The following RPS6KC1 variants were observed in gnomAD, a reference collection of about 807,000 sequenced individuals.
The protein encoded by RPS6KC1 is inactive ribosomal protein S6 kinase delta-1.
Under a neutral mutation model 103.8 loss-of-function variants are expected in RPS6KC1, and 54 were observed. The ratio of observed to expected loss-of-function variants is 0.52; its 90% CI spans 0.42 to 0.65. RPS6KC1 has a LOEUF of 0.65. RPS6KC1 is among the 30% of genes least tolerant of loss of function. The pLI is 0.00. For synonymous variants in RPS6KC1, 439 were observed against 438.7 expected (o/e 1.00, Z -0.01); for missense variants, 1,151 against 1,253.8 (o/e 0.92, Z 1.24).
chr1:213,104,413 G>T (rs538453473), intron 3 of RPS6KC1, 41 bp from the exon 4 acceptor site: 1 of 1,302,890 alleles, frequency 7.7e-7, no homozygotes, highest in South Asian at 1.2e-5. Context: ...ACCAGTGTTT[G>T]ATCATTCTTC....
chr1:213,618,319 A>G, the RPS6KC1 span, among the ~76,000 whole-genome samples: 1 of 152,204 alleles, frequency 6.6e-6, no homozygotes, highest in Admixed American at 6.5e-5. Flanking sequence ...ACTGAATGAG[A>G]TCACGTGCAT....
chr1:213,624,555 A>G, the RPS6KC1 span, among the ~76,000 whole-genome samples: 7,414 of 152,198 alleles, frequency 0.049, 218 homozygotes, highest in Middle Eastern at 0.13. Context: ...AGGAGGTGAG[A>G]TTTGAACCAG....
In RPS6KC1 at chr1:213,051,463, C is replaced by T. The variant is rs766899937; in HGVS notation, c.59C>T (p.Pro20Leu). 1.9e-6 allele frequency: 3 copies of T among 1,613,594 alleles called. No homozygotes were observed. The highest frequency in any genetic ancestry group is 2.5e-6 in the Non-Finnish European group (3 of 1,179,838). Residue 20 changes from proline (P) to leucine (L), a missense_variant, in exon 1 of 15, where the codon CCC becomes CTC. Pro to Leu is a moderately conservative substitution (Grantham distance 98). This residue lies in a region of RPS6KC1 where 959 missense variants were observed against 1,006.3 expected (regional missense o/e 0.95). Transcript: ENST00000366960. ...GCCCGTTTCTACACTGTCACCGAGC[C>T]CCAGCGACACCCGAGGGGCTACACA... ...DLARFYTVTE[P>L]QRHPRGYTVY...
At chr1:213,218,490 T>C (rs944641235) in intron 8 of RPS6KC1, among the ~76,000 whole-genome samples, 6 of 152,216 alleles carry the variant, frequency 3.9e-5, no homozygotes, top group East Asian at 1.9e-4. Flanking sequence ...AAGCTACCAA[T>C]GACTTTCTTC....
chr1:213,658,829 A>G, the RPS6KC1 span, among the ~76,000 whole-genome samples: 1 of 152,258 alleles, frequency 6.6e-6, no homozygotes, highest in South Asian at 2.1e-4. Context: ...TGCTCTCTCC[A>G]TTGCTTTTGT....
At chr1:213,457,771 G>C in the RPS6KC1 span, among the ~76,000 whole-genome samples, 1 of 152,128 alleles carries the variant, frequency 6.6e-6, no homozygotes, top group Non-Finnish European at 1.5e-5. Context: ...TAATTGCTGG[G>C]TTCATACATA....
At chr1:213,838,071 T>C in the RPS6KC1 span, among the ~76,000 whole-genome samples, 1 of 152,270 alleles carries the variant, frequency 6.6e-6, no homozygotes, top group South Asian at 2.1e-4. Flanking sequence ...TCGCTCCCAT[T>C]AAAAGAGAAG....
At chr1:213,696,729 G>C in the RPS6KC1 span, among the ~76,000 whole-genome samples, 20 of 152,086 alleles carry the variant, frequency 1.3e-4, no homozygotes, top group Admixed American at 1.2e-3. Flanking sequence ...GAAGGATAGA[G>C]AGGGAAAAAC....
chr1:213,201,585 C>T (rs948903209), intron 8 of RPS6KC1, among the ~76,000 whole-genome samples: 1 of 152,148 alleles, frequency 6.6e-6, no homozygotes, highest in Non-Finnish European at 1.5e-5. Flanking sequence ...ACTGTGTACT[C>T]CAGATGATAA....
chr1:213,495,057 T>C, the RPS6KC1 span, among the ~76,000 whole-genome samples: 5 of 152,212 alleles, frequency 3.3e-5, no homozygotes, highest in Non-Finnish European at 4.4e-5. Context: ...CCCAGCCTTG[T>C]GGTCTTTGAA....
the RPS6KC1 span, among the ~76,000 whole-genome samples, chr1:213,659,611 A>G: frequency 6.6e-6 from 1 of 151,894 alleles, no homozygotes; most frequent in Non-Finnish European, 1.5e-5. Context: ...GACTTCCTTC[A>G]TTAAAGAATT....
the RPS6KC1 span, among the ~76,000 whole-genome samples, chr1:213,494,668 G>A: frequency 6.6e-6 from 1 of 152,104 alleles, no homozygotes; most frequent in Admixed American, 6.5e-5. Flanking sequence ...GTGGATAACA[G>A]GATAACAGAG....
the RPS6KC1 span, among the ~76,000 whole-genome samples, chr1:213,720,682 A>G: frequency 6.6e-6 from 1 of 152,222 alleles, no homozygotes; most frequent in African/African-American, 2.4e-5. Context: ...GCTAAGGGCT[A>G]TTATGCCTTT....
At chr1:213,641,773 T>A in the RPS6KC1 span, among the ~76,000 whole-genome samples, 4 of 151,838 alleles carry the variant, frequency 2.6e-5, no homozygotes, top group Non-Finnish European at 5.9e-5. Context: ...ACAGTGTGTC[T>A]GAGGCAAAGT....
chr1:213,848,534 A>G, the RPS6KC1 span, among the ~76,000 whole-genome samples: 1 of 152,098 alleles, frequency 6.6e-6, no homozygotes, highest in Non-Finnish European at 1.5e-5. Flanking sequence ...TGTATATACT[A>G]TATGTGTATA....
At chr1:213,361,501 T>C in the RPS6KC1 span, among the ~76,000 whole-genome samples, 21 of 152,374 alleles carry the variant, frequency 1.4e-4, no homozygotes, top group Non-Finnish European at 2.4e-4. Context: ...CCCCTTGCAG[T>C]TCCCAGGTGA....
chr1:213,457,060 G>C, the RPS6KC1 span, among the ~76,000 whole-genome samples: 1 of 152,174 alleles, frequency 6.6e-6, no homozygotes. Context: ...AGAATGTTTC[G>C]TTTAAAATAA....
At chr1:213,512,784 C>CCGT in the RPS6KC1 span, among the ~76,000 whole-genome samples, 1 of 152,160 alleles carries the variant, frequency 6.6e-6, no homozygotes, top group African/African-American at 2.4e-5. Context: ...CTGCCAAAGA[C>CCGT]CTGACCATTT....
the RPS6KC1 span, among the ~76,000 whole-genome samples, chr1:213,575,118 A>G: frequency 9.2e-5 from 14 of 152,142 alleles, no homozygotes; most frequent in African/African-American, 3.4e-4. Flanking sequence ...TAGCCTCTCA[A>G]TCACAGAGCC....
Sources: gnomAD v4.1 joint callset for allele counts (sites outside exome capture counted in the v4.1 genomes callset) on GRCh38, gnomAD v4.1.1 for gene constraint, gnomAD v4.1.1 regional missense constraint, MANE v1.5 for transcripts, NCBI Gene and HGNC (gene_info 2026-07-23, HGNC 2026-07-21) for gene names.